The following CCDC91 variants were observed in gnomAD, a reference collection of about 807,000 sequenced individuals.
CCDC91 encodes the protein coiled-coil domain containing 91.
A neutral mutation model predicts 63.2 loss-of-function variants in CCDC91; 48 were observed. The ratio of observed to expected loss-of-function variants is 0.76; its 90% CI spans 0.60 to 0.97. CCDC91 has a LOEUF of 0.97. Ranked by LOEUF, CCDC91 falls within the 50% of genes least tolerant of loss-of-function variation. The probability of loss-of-function intolerance (pLI) is 0.00; values close to 1 mark genes in which losing one functional copy is unlikely to be tolerated. For synonymous variants in CCDC91, 167 were observed against 165.8 expected (o/e 1.01, Z -0.06); for missense variants, 500 against 494.6 (o/e 1.01, Z -0.10).
At chr12:28,252,144 T>C (rs11049483) in intron 1 of CCDC91, among the ~76,000 whole-genome samples, 48 of 152,270 alleles carry the variant, frequency 3.2e-4, no homozygotes, top group African/African-American at 1.1e-3. Context: ...GATGCTGTTA[T>C]GAAGTGTGAG....
intron 12 of CCDC91, among the ~76,000 whole-genome samples, chr12:28,540,472 C>G (rs1348495793): frequency 6.6e-6 from 1 of 152,118 alleles, no homozygotes; most frequent in Non-Finnish European, 1.5e-5. Context: ...ATATTTACAG[C>G]AAAACAGATA....
At chr12:28,502,823 G>T (rs940429270) in intron 12 of CCDC91, among the ~76,000 whole-genome samples, 21 of 146,210 alleles carry the variant, frequency 1.4e-4, no homozygotes, top group African/African-American at 4.7e-4. Context: ...AGAAAAACAA[G>T]CAATGGGGAA....
chr12:28,418,087 G>C (rs1170089370), intron 8 of CCDC91, among the ~76,000 whole-genome samples: 1 of 152,092 alleles, frequency 6.6e-6, no homozygotes, highest in East Asian at 1.9e-4. Flanking sequence ...CTTAGGAGTA[G>C]CACTGGTGGA....
chr12:28,394,335 G>A (rs553984397), intron 8 of CCDC91, among the ~76,000 whole-genome samples: 15 of 152,018 alleles, frequency 9.9e-5, no homozygotes, highest in South Asian at 2.1e-4. Flanking sequence ...GTGTGGTGGC[G>A]GGCACCTGTA....
chr12:28,426,566 A>G (rs1948328582), intron 8 of CCDC91, among the ~76,000 whole-genome samples: 1 of 151,964 alleles, frequency 6.6e-6, no homozygotes, highest in African/African-American at 2.4e-5. Context: ...ATCTATGTTC[A>G]TGTTTGTAAT....
intron 1 of CCDC91, among the ~76,000 whole-genome samples, chr12:28,219,240 G>T (rs1293700983): frequency 6.6e-6 from 1 of 151,892 alleles, no homozygotes; most frequent in African/African-American, 2.4e-5. Flanking sequence ...GAGATTATTA[G>T]ATCTTTTATA....
intron 3 of CCDC91, chr12:28,302,685 T>C: frequency 1.0e-6 from 1 of 974,058 alleles, no homozygotes; most frequent in Non-Finnish European, 1.2e-6. Flanking sequence ...ATTTCTGGCT[T>C]GAGCAAATGG....
At chr12:28,228,377 G>T (rs1944401296) in intron 1 of CCDC91, among the ~76,000 whole-genome samples, 1 of 152,064 alleles carries the variant, frequency 6.6e-6, no homozygotes, top group African/African-American at 2.4e-5. Flanking sequence ...TTGCAAGTCT[G>T]TCTTTCTATT....
At chr12:28,518,142 A>G (rs900037058) in intron 12 of CCDC91, among the ~76,000 whole-genome samples, 2 of 151,968 alleles carry the variant, frequency 1.3e-5, no homozygotes, top group Admixed American at 6.6e-5. Context: ...TTCTCTGGGT[A>G]GATACCCAGT....
intron 3 of CCDC91, among the ~76,000 whole-genome samples, chr12:28,291,306 A>G (rs962663261): frequency 1.3e-5 from 2 of 152,190 alleles, no homozygotes; most frequent in African/African-American, 4.8e-5. Context: ...AGGTAAATAT[A>G]GCAGATGAGA....
rs1420251629 is a variant in CCDC91, at chr12:28,387,621, T to C, written c.655-3683T>C. ...AGCCTCATAGCTTAGCTCCCACTTA[T>C]AGATGAGAACATGTGATGTTTGGTT... is the stretch of plus-strand genomic sequence containing the variant. On this transcript the variant is annotated intron_variant, in intron 7 of 12. Coordinates refer to ENST00000536442, the MANE Select transcript of CCDC91 (RefSeq NM_018318.5). 2.6e-5 allele frequency among the ~76,000 whole-genome samples: 4 copies of C among 152,298 alleles called. No individual in the cohort carries two copies. The South Asian group carries it at 6.2e-4, about 24-fold the overall frequency.
At chr12:28,350,391 A>T (rs1943102158) in intron 6 of CCDC91, among the ~76,000 whole-genome samples, 1 of 152,206 alleles carries the variant, frequency 6.6e-6, no homozygotes, top group African/African-American at 2.4e-5. Context: ...ACAAGTAATT[A>T]TTTTTAACAC....
chr12:28,399,437 A>G (rs1171720890), intron 8 of CCDC91, among the ~76,000 whole-genome samples: 2 of 152,172 alleles, frequency 1.3e-5, no homozygotes, highest in Non-Finnish European at 2.9e-5. Flanking sequence ...TTGGGTAGAG[A>G]CACAGCCAAA....
At chr12:28,352,678 T>A (rs1199397384) in intron 6 of CCDC91, among the ~76,000 whole-genome samples, 1 of 152,218 alleles carries the variant, frequency 6.6e-6, no homozygotes, top group Non-Finnish European at 1.5e-5. Flanking sequence ...AGGAATTTAT[T>A]ATTATTATTA....
chr12:28,197,255 CAG>C (rs1438838865), intron 1 of CCDC91, among the ~76,000 whole-genome samples: 1 of 152,152 alleles, frequency 6.6e-6, no homozygotes, highest in African/African-American at 2.4e-5. Flanking sequence ...ATTTCAGAAA[CAG>C]AGTTCCTTAG....
rs182589978 is a variant in CCDC91 at position 28,200,018 on chromosome 12, A to G, written c.-15+9377A>G. Among the ~76,000 whole-genome samples the G allele has an allele frequency of 2.0e-4, 31 of 152,120 alleles. 1 individual carries two copies. The highest frequency in any genetic ancestry group is 7.2e-4 in the African/African-American group (30 of 41,522). ...GAAGTTTCCTTGTATCGTTTCTTCA[A>G]ATATTCTTTCTGTTCCTTCCTTTTT... On this transcript the variant is annotated intron_variant, in intron 1 of 12. Transcript: ENST00000536442.
intron 1 of CCDC91, among the ~76,000 whole-genome samples, chr12:28,210,504 T>C (rs908267833): frequency 1.3e-5 from 2 of 152,158 alleles, no homozygotes; most frequent in Non-Finnish European, 2.9e-5. Flanking sequence ...GTTTTTAAAT[T>C]GGATTACTGG....
At chr12:28,238,260 C>A (rs1220031933) in intron 1 of CCDC91, among the ~76,000 whole-genome samples, 1 of 151,940 alleles carries the variant, frequency 6.6e-6, no homozygotes. Flanking sequence ...TGAAAATGAG[C>A]AAAAGATATG....
At chr12:28,278,959 G>A (rs1420320892) in intron 3 of CCDC91, among the ~76,000 whole-genome samples, 1 of 151,564 alleles carries the variant, frequency 6.6e-6, no homozygotes, top group Non-Finnish European at 1.5e-5. Context: ...CTTATATACA[G>A]GTATATTAAT....
Sources: allele counts gnomAD v4.1 joint callset (sites outside exome capture counted in the v4.1 genomes callset), GRCh38; gene constraint gnomAD v4.1.1; transcripts MANE v1.5; gene names NCBI Gene and HGNC (gene_info 2026-07-23, HGNC 2026-07-21).